POFUT3: variants seen among roughly 807,000 people sequenced by gnomAD.
POFUT3 encodes the protein protein O-fucosyltransferase 3, also known as GDP-fucose protein O-fucosyltransferase 3.
the POFUT3 span, among the ~76,000 whole-genome samples, chr8:33,401,155 G>C: frequency 6.6e-6 from 1 of 152,058 alleles, no homozygotes; most frequent in Admixed American, 6.6e-5. Context: ...GCTAATTTTT[G>C]TATTTTTACT....
the POFUT3 span, among the ~76,000 whole-genome samples, chr8:33,457,065 G>A: frequency 1.1e-4 from 16 of 150,980 alleles, no homozygotes; most frequent in Admixed American, 4.0e-4. Context: ...CACCATGCCC[G>A]GCCAAACCTT....
At chr8:33,466,946 A>C in the POFUT3 span, among the ~76,000 whole-genome samples, 2 of 152,236 alleles carry the variant, frequency 1.3e-5, no homozygotes, top group Admixed American at 6.5e-5. Flanking sequence ...CTCTACTAAA[A>C]ATACAAAAAT....
the POFUT3 span, among the ~76,000 whole-genome samples, chr8:33,439,620 C>A: frequency 2.2e-4 from 33 of 152,002 alleles, no homozygotes; most frequent in African/African-American, 7.2e-4. Flanking sequence ...GTAATCCCAG[C>A]ACTTTGGGAG....
the POFUT3 span, among the ~76,000 whole-genome samples, chr8:33,429,885 A>G: frequency 6.6e-6 from 1 of 151,574 alleles, no homozygotes; most frequent in Admixed American, 6.6e-5. Context: ...AGTCCCAGCT[A>G]CTCGGGAGAG....
chr8:33,433,873 T>TGGGA, the POFUT3 span, among the ~76,000 whole-genome samples: 1 of 148,440 alleles, frequency 6.7e-6, no homozygotes, highest in Non-Finnish European at 1.5e-5. Context: ...GAGGCTGAAG[T>TGGGA]GGGAGGATCG....
the POFUT3 span, among the ~76,000 whole-genome samples, chr8:33,313,556 C>T: frequency 6.6e-6 from 1 of 151,716 alleles, no homozygotes; most frequent in African/African-American, 2.4e-5. Context: ...GGGCTGTGAG[C>T]AACACGGAAT....
At chr8:33,471,101 A>G in the POFUT3 span, among the ~76,000 whole-genome samples, 1 of 152,222 alleles carries the variant, frequency 6.6e-6, no homozygotes, top group Non-Finnish European at 1.5e-5. Context: ...CTTAACTTCT[A>G]AAAATGTTCA....
At chr8:33,431,257 C>A in the POFUT3 span, among the ~76,000 whole-genome samples, 1 of 151,922 alleles carries the variant, frequency 6.6e-6, no homozygotes, top group South Asian at 2.1e-4. Context: ...TAAAAGTATA[C>A]CCTAGTTGGC....
the POFUT3 span, among the ~76,000 whole-genome samples, chr8:33,416,988 G>A: frequency 2.0e-5 from 3 of 152,276 alleles, no homozygotes; most frequent in Admixed American, 1.3e-4. Context: ...GTATCCATCC[G>A]TAGCCTGTTA....
At chr8:33,321,230 T>C in the POFUT3 span, among the ~76,000 whole-genome samples, 1 of 152,082 alleles carries the variant, frequency 6.6e-6, no homozygotes, top group South Asian at 2.1e-4. Context: ...AATTGGCTAT[T>C]ACTACATAAA....
At chr8:33,435,598 CCT>C in the POFUT3 span, among the ~76,000 whole-genome samples, 1 of 151,916 alleles carries the variant, frequency 6.6e-6, no homozygotes, top group Admixed American at 6.6e-5. Flanking sequence ...CTCACTGCAA[CCT>C]CTGTCTCCTG....
the POFUT3 span, among the ~76,000 whole-genome samples, chr8:33,442,975 T>TGGTG: frequency 6.6e-6 from 1 of 152,038 alleles, no homozygotes; most frequent in African/African-American, 2.4e-5. Flanking sequence ...TAGCCAGGTG[T>TGGTG]GGTGGTGTGT....
At chr8:33,443,147 C>T in the POFUT3 span, among the ~76,000 whole-genome samples, 2 of 152,122 alleles carry the variant, frequency 1.3e-5, no homozygotes, top group African/African-American at 4.8e-5. Flanking sequence ...TATGTCTTTA[C>T]ATAATTAAAA....
the POFUT3 span, among the ~76,000 whole-genome samples, chr8:33,411,392 A>G: frequency 6.6e-6 from 1 of 152,336 alleles, no homozygotes; most frequent in East Asian, 1.9e-4. Flanking sequence ...TGCTGGTTTC[A>G]ACTTTATTGA....
At chr8:33,453,753 C>T in the POFUT3 span, among the ~76,000 whole-genome samples, 121 of 152,194 alleles carry the variant, frequency 8.0e-4, no homozygotes, top group African/African-American at 2.8e-3. Flanking sequence ...TGAGACCAGC[C>T]TGGCCAACAT....
chr8:33,444,227 T>C, the POFUT3 span, among the ~76,000 whole-genome samples: 2 of 151,888 alleles, frequency 1.3e-5, no homozygotes, highest in Non-Finnish European at 2.9e-5. Flanking sequence ...TGAGATCGCC[T>C]TGAGAAAATG....
At chr8:33,357,094 G>A in the POFUT3 span, among the ~76,000 whole-genome samples, 12 of 152,176 alleles carry the variant, frequency 7.9e-5, no homozygotes, top group East Asian at 5.8e-4. Flanking sequence ...ATAGTTTGAC[G>A]TCAGGTAGCA....
chr8:33,437,969 G>A, the POFUT3 span, among the ~76,000 whole-genome samples: 1 of 152,152 alleles, frequency 6.6e-6, no homozygotes, highest in Non-Finnish European at 1.5e-5. Context: ...ATGATCTGAT[G>A]TCAAATTTAG....
chr8:33,419,175 T>C, the POFUT3 span, among the ~76,000 whole-genome samples: 2 of 152,184 alleles, frequency 1.3e-5, no homozygotes, highest in African/African-American at 4.8e-5. Context: ...GTAGGGTGAC[T>C]ACAGTTAGCA....
Sources: gnomAD v4.1 joint callset for allele counts (sites outside exome capture counted in the v4.1 genomes callset) on GRCh38, gnomAD v4.1.1 for gene constraint, MANE v1.5 for transcripts, NCBI Gene and HGNC (gene_info 2026-07-23, HGNC 2026-07-21) for gene names.